Variants in CCL25 observed in about 807,000 individuals in gnomAD.
CCL25 encodes the protein C-C motif chemokine ligand 25.
A neutral mutation model predicts 19.9 loss-of-function variants in CCL25; 14 were observed. That is an observed-to-expected ratio of 0.70 (90% CI 0.47 to 1.10). The LOEUF (loss-of-function observed/expected upper bound fraction) is 1.10. CCL25 is among the 50% of genes least tolerant of loss of function. CCL25 has a pLI of 0.00. For missense variants in CCL25, 151 were observed against 181.2 expected, an observed-to-expected ratio of 0.83 and a Z score of 0.96; for synonymous variants, 68 against 73.2, an observed-to-expected ratio of 0.93 and a Z score of 0.36.
intron 2 of CCL25, among the ~76,000 whole-genome samples, chr19:8,054,890 G>A (rs1489943563): frequency 6.6e-6 from 1 of 151,610 alleles, no homozygotes; most frequent in Non-Finnish European, 1.5e-5. Context: ...TTTTGCTATT[G>A]TCGCCCAGGC....
At chr19:8,061,956 A>C (rs1370724939) in intron 5 of CCL25, among the ~76,000 whole-genome samples, 2 of 151,134 alleles carry the variant, frequency 1.3e-5, no homozygotes, top group Non-Finnish European at 2.9e-5. Context: ...AGGCTGAGGC[A>C]GGAGAATCGC....
intron 2 of CCL25, among the ~76,000 whole-genome samples, chr19:8,054,843 T>G (rs753061997): frequency 1.3e-5 from 2 of 151,828 alleles, no homozygotes; most frequent in South Asian, 4.2e-4. Flanking sequence ...TTTTTGTTTG[T>G]TTGGTTGGTG....
chr19:8,057,718 T>C, intron 4 of CCL25, 83 bp from the exon 5 acceptor site: 1 of 1,486,538 alleles, frequency 6.7e-7, no homozygotes, highest in African/African-American at 1.4e-5. Context: ...AAATAACCAG[T>C]CAACAGCTTC....
chr19:8,060,479 C>A (rs1247811963), intron 5 of CCL25, among the ~76,000 whole-genome samples: 7 of 152,134 alleles, frequency 4.6e-5, no homozygotes. Context: ...CCACCCCTCC[C>A]ACACACGGAT....
intron 4 of CCL25, among the ~76,000 whole-genome samples, chr19:8,056,931 C>T (rs1396243476): frequency 6.6e-6 from 1 of 152,290 alleles, no homozygotes; most frequent in African/African-American, 2.4e-5. Flanking sequence ...AAGCCTTGAC[C>T]TCCCAGGCTC....
chr19:8,056,096 GC>G (rs1222928061), intron 2 of CCL25, 55 bp from the exon 3 acceptor site: 1 of 1,207,964 alleles, frequency 8.3e-7, no homozygotes, highest in Non-Finnish European at 1.2e-6. Flanking sequence ...CCTGTGGCTG[GC>G]CCTGCCAAGT....
intron 2 of CCL25, 88 bp downstream of exon 2, chr19:8,053,210 C>G: frequency 1.3e-6 from 1 of 761,484 alleles, no homozygotes; most frequent in Non-Finnish European, 2.1e-6. Flanking sequence ...CTCCGGAAGT[C>G]TCCCCAATCC....
At chr19:8,055,661 G>A (rs2081265968) in intron 2 of CCL25, among the ~76,000 whole-genome samples, 2 of 152,070 alleles carry the variant, frequency 1.3e-5, no homozygotes, top group South Asian at 4.2e-4. Context: ...AGTAGAGACG[G>A]GGTTTCACCA....
intron 5 of CCL25, among the ~76,000 whole-genome samples, chr19:8,059,068 AATATATAATATATATAAT>A (rs1473232739): frequency 9.8e-5 from 5 of 50,772 alleles, no homozygotes; most frequent in South Asian, 1.1e-3. Flanking sequence ...AAATATATAT[AATATATAATATATATAAT>A]ATATATAATG....
intron 5 of CCL25, among the ~76,000 whole-genome samples, chr19:8,059,481 G>A (rs1269577768): frequency 2.0e-5 from 3 of 151,940 alleles, no homozygotes; most frequent in Non-Finnish European, 4.4e-5. Flanking sequence ...TTGCAGGCAT[G>A]AGCCACTGTG....
Position 8,057,815 on chromosome 19 carries a change from G to A in CCL25, c.340G>A (p.Val114Ile). ...TQTFQAGPHA[V>I]KKLSSGNSKL... ...CATTTCTCCAGCAGGCCCTCATGCT[G>A]TAAAGAAGTTGAGTTCTGGAAACTC... is the stretch of plus-strand genomic sequence containing the variant. Residue 114 changes from valine to isoleucine, a missense_variant, in exon 5 of 6, where the codon GTA becomes ATA. By Grantham distance (29) the Val-to-Ile change is conservative. Coordinates refer to ENST00000315626, the MANE Select transcript of CCL25 (RefSeq NM_005624.4). 1 of 1,613,002 alleles carries A rather than the reference G, an allele frequency of 6.2e-7. No individual in the cohort carries two copies. The highest frequency in any genetic ancestry group is 8.5e-7 in the Non-Finnish European group (1 of 1,179,288).
intron 4 of CCL25, 98 bp downstream of exon 4, chr19:8,056,597 A>T: frequency 7.2e-7 from 1 of 1,379,416 alleles, no homozygotes; most frequent in Non-Finnish European, 1.0e-6. Flanking sequence ...GGAGACCAGA[A>T]TACTGACACC....
intron 5 of CCL25, among the ~76,000 whole-genome samples, chr19:8,059,467 G>A (rs1199678999): frequency 6.6e-6 from 1 of 151,752 alleles, no homozygotes; most frequent in Non-Finnish European, 1.5e-5. Flanking sequence ...CCAAAGTGCT[G>A]GGATTGCAGG....
chr19:8,058,444 AAATATATAT>A (rs1364428229), intron 5 of CCL25, among the ~76,000 whole-genome samples: 83 of 117,748 alleles, frequency 7.0e-4, no homozygotes, highest in African/African-American at 2.6e-3. Context: ...TATAATATAT[AAATATATAT>A]AATATATATA....
rs1235161267 is a variant in CCL25, at chr19:8,057,697, C to T, written c.326-104C>T. On this transcript the variant is annotated intron_variant, in intron 4 of 5. Coordinates refer to ENST00000315626, the MANE Select transcript of CCL25 (RefSeq NM_005624.4). Reference sequence around the variant, plus strand: ...ATGGAAAGCTCAAGCACATGGGAGACTCATTGGCTTAAATAACCAGTCAAC... The same window carrying T: ...ATGGAAAGCTCAAGCACATGGGAGATTCATTGGCTTAAATAACCAGTCAAC... The T allele has an allele frequency of 8.3e-6, 12 of 1,445,958 alleles. No homozygotes were observed. The Admixed American group carries it at 1.9e-4, about 23-fold the overall frequency. The allele number at this position is 1,445,958 out of a possible 1,614,324, so 89.6% of individuals were successfully genotyped here.
intron 3 of CCL25, 33 bp downstream of exon 3, chr19:8,056,302 G>GGGGGGGGGGGGGGGGGGGGCCCCCCCCC: frequency 1.7e-6 from 1 of 593,408 alleles, no homozygotes. Context: ...GGGGGGTGGG[G>GGGGGGGGGGGGGGGGGGGGCCCCCCCCC]TGCACACACA....
Position 8,062,307 on chromosome 19 carries a change from T to G in CCL25, c.*82T>G. The G allele has an allele frequency of 2.7e-6, 4 of 1,465,120 alleles. No individual in the cohort carries two copies. Among genetic ancestry groups the G allele is most frequent in the Non-Finnish European group, 2.9e-6 (3 of 1,046,388 alleles). The allele number at this position is 1,465,120 out of a possible 1,614,324, so 90.8% of individuals were successfully genotyped here. On this transcript the variant is annotated 3_prime_UTR_variant, in exon 6 of 6. Transcript: ENST00000315626. ...AACCGTCGCCCTACAGACCCAGCTG[T>G]CCCCACGCCTCTGTCTTTTGGGTCA...
rs186288742 is a variant in CCL25 at position 8,061,208 on chromosome 19, T to G, written c.446-1010T>G. Among the ~76,000 whole-genome samples the G allele has an allele frequency of 1.8e-3, 272 of 151,030 alleles. 3 individuals are homozygous for G. The highest frequency in any genetic ancestry group is 6.2e-3 in the African/African-American group (255 of 41,154). ...TTTGCCATGTTGGGCAGGCTGGTCT[T>G]GAACTCCTGACCTCAAGTGATCTGC... On this transcript the variant is annotated intron_variant, in intron 5 of 5. Coordinates refer to ENST00000315626, the MANE Select transcript of CCL25 (RefSeq NM_005624.4).
At chr19:8,058,103 C>T (rs537150562) in intron 5 of CCL25, among the ~76,000 whole-genome samples, 183 bp downstream of exon 5, 86 of 151,666 alleles carry the variant, frequency 5.7e-4, no homozygotes, top group Admixed American at 1.8e-3. Flanking sequence ...TGTGACTCAG[C>T]GCAAAGACAC....
Sources: allele counts gnomAD v4.1 joint callset (sites outside exome capture counted in the v4.1 genomes callset), GRCh38; gene constraint gnomAD v4.1.1; transcripts MANE v1.5; gene names NCBI Gene and HGNC (gene_info 2026-07-23, HGNC 2026-07-21).